PDZD2: variants seen among roughly 807,000 people sequenced by gnomAD.
PDZD2 encodes PDZ domain-containing protein 2.
A neutral mutation model predicts 220.7 loss-of-function variants in PDZD2; 90 were observed. That is an observed-to-expected ratio of 0.41 (90% CI 0.34 to 0.49). PDZD2 has a LOEUF of 0.49. Ranked by LOEUF, PDZD2 falls within the 20% of genes least tolerant of loss-of-function variation. The pLI, the probability that PDZD2 is intolerant of heterozygous loss-of-function variation, is 0.28. For missense variants in PDZD2, 3,174 were observed against 3,608.5 expected, an observed-to-expected ratio of 0.88 and a Z score of 3.08; for synonymous variants, 1,375 against 1,450.5, an observed-to-expected ratio of 0.95 and a Z score of 1.18.
At chr5:31,686,140 C>T (rs1746848862) in intron 1 of PDZD2, among the ~76,000 whole-genome samples, 3 of 151,768 alleles carry the variant, frequency 2.0e-5, no homozygotes, top group Admixed American at 2.0e-4. Flanking sequence ...AGGAGAATCA[C>T]TTGAACCTGG....
At chr5:31,684,715 TTC>T (rs1746782981) in intron 1 of PDZD2, among the ~76,000 whole-genome samples, 1 of 152,200 alleles carries the variant, frequency 6.6e-6, no homozygotes, top group Non-Finnish European at 1.5e-5. Context: ...TCCTTGCCTC[TTC>T]TCTGTTACCC....
At chr5:32,008,284 C>CTTTT (rs58124921) in intron 5 of PDZD2, among the ~76,000 whole-genome samples, 1 of 129,152 alleles carries the variant, frequency 7.7e-6, no homozygotes, top group African/African-American at 2.9e-5. Flanking sequence ...TCTTTTGTTT[C>CTTTT]TTTTTTTTTT....
intron 2 of PDZD2, among the ~76,000 whole-genome samples, chr5:31,960,703 GCCAGTCC>G (rs1748141922): frequency 6.6e-6 from 1 of 151,978 alleles, no homozygotes; most frequent in African/African-American, 2.4e-5. Context: ...CCCAAAGCAA[GCCAGTCC>G]CCCTTTTATA....
In PDZD2 at chr5:31,850,243, T is replaced by TATATATATATATATATATAC. The variant is rs577432352; in HGVS notation, c.476+50520_476+50521insTATATATATATATATATACA. Among the ~76,000 whole-genome samples the TATATATATATATATATATAC allele has an allele frequency of 5.2e-4, 64 of 122,218 alleles. 1 individual carries two copies. Among genetic ancestry groups the TATATATATATATATATATAC allele is most frequent in the African/African-American group, 1.8e-3 (60 of 33,198 alleles). 80.2% of individuals were successfully genotyped at this position (122,218 alleles called of 152,430 possible). A position where few individuals can be genotyped will look rare whatever the true frequency, so the allele number is the denominator to read the frequency against. On this transcript the variant is annotated intron_variant, in intron 2 of 24. Transcript: ENST00000438447. Reference sequence around the variant, plus strand: ...ATATATAAGTATATATATATATATATACACACACACACACACACATATATA... The same window carrying TATATATATATATATATATAC: ...ATATATAAGTATATATATATATATATATATATATATATATATATACACACACACACACACACACATATATA...
intron 2 of PDZD2, among the ~76,000 whole-genome samples, chr5:31,929,218 C>T (rs1373271072): frequency 6.6e-6 from 1 of 152,178 alleles, no homozygotes; most frequent in Non-Finnish European, 1.5e-5. Context: ...GTCCAACCTG[C>T]TTCTCTGATT....
chr5:31,904,301 C>T (rs1742421847), intron 2 of PDZD2, among the ~76,000 whole-genome samples: 1 of 152,104 alleles, frequency 6.6e-6, no homozygotes, highest in Non-Finnish European at 1.5e-5. Flanking sequence ...AGTCAACAGT[C>T]ATTCAATAAA....
At position 32,093,267 on chromosome 5, in the gene PDZD2, C is replaced by G. The variant is rs1428542572; in HGVS notation, c.7845+243C>G. The stretch of plus-strand genomic sequence containing the variant: ...TGGGTGTCACTGCTGTTTTCATCCC[C>G]CAAGTAGCAACTAGTTACCATTCTC... On this transcript the variant is annotated intron_variant, in intron 21 of 24. Transcript: ENST00000438447. 3.3e-5 allele frequency among the ~76,000 whole-genome samples: 5 copies of G among 152,170 alleles called. No homozygotes were observed. In the East Asian group the frequency reaches 7.7e-4, roughly 23 times the overall value.
chr5:32,047,063 T>C (rs1253498530), intron 7 of PDZD2, among the ~76,000 whole-genome samples: 3 of 151,270 alleles, frequency 2.0e-5, no homozygotes, highest in African/African-American at 2.4e-5. Context: ...AAAACACCAA[T>C]AAATAAATAA....
At chr5:31,848,593 A>G (rs1757729894) in intron 2 of PDZD2, among the ~76,000 whole-genome samples, 1 of 148,836 alleles carries the variant, frequency 6.7e-6, no homozygotes, top group East Asian at 2.1e-4. Flanking sequence ...TACTAAAAAT[A>G]CAAAAACCAG....
At chr5:32,010,897 G>C (rs1033354115) in intron 6 of PDZD2, among the ~76,000 whole-genome samples, 4 of 151,186 alleles carry the variant, frequency 2.6e-5, no homozygotes, top group Non-Finnish European at 1.5e-5. Flanking sequence ...TCAGGAGGCT[G>C]AGGCAAGAGA....
intron 1 of PDZD2, among the ~76,000 whole-genome samples, chr5:31,778,480 G>A (rs1386829602): frequency 6.6e-6 from 1 of 152,026 alleles, no homozygotes; most frequent in Non-Finnish European, 1.5e-5. Context: ...GAACCCACTG[G>A]GAGGAATGAA....
At chr5:31,940,850 A>T (rs1746151034) in intron 2 of PDZD2, among the ~76,000 whole-genome samples, 1 of 152,224 alleles carries the variant, frequency 6.6e-6, no homozygotes, top group South Asian at 2.1e-4. Flanking sequence ...CTCCCAGTGA[A>T]GGGCAGATAA....
intron 2 of PDZD2, among the ~76,000 whole-genome samples, chr5:31,886,118 GTA>G (rs920876668): frequency 2.0e-5 from 3 of 152,094 alleles, no homozygotes; most frequent in Admixed American, 1.3e-4. Flanking sequence ...AGGCTGGTCT[GTA>G]ACTCCTGACC....
chr5:31,675,087 G>T (rs1746355490), intron 1 of PDZD2, among the ~76,000 whole-genome samples: 1 of 152,200 alleles, frequency 6.6e-6, no homozygotes, highest in Non-Finnish European at 1.5e-5. Flanking sequence ...AAAATATTTG[G>T]CTGGGGGACC....
chr5:31,735,139 G>A (rs546146461), intron 1 of PDZD2, among the ~76,000 whole-genome samples: 4 of 152,304 alleles, frequency 2.6e-5, no homozygotes, highest in African/African-American at 7.2e-5. Context: ...GCCGTGGAGC[G>A]TGGATATGAT....
intron 3 of PDZD2, among the ~76,000 whole-genome samples, chr5:31,990,307 G>A (rs1360230266): frequency 6.6e-6 from 1 of 152,196 alleles, no homozygotes; most frequent in Non-Finnish European, 1.5e-5. Flanking sequence ...TGGCTTCAGT[G>A]AAGGGATACA....
rs35511570 is a variant in PDZD2 at position 31,906,842 on chromosome 5, CAAAAAA to C, written c.477-76310_477-76305del. On this transcript the variant is annotated intron_variant, in intron 2 of 24. Coordinates refer to ENST00000438447, the MANE Select transcript of PDZD2 (RefSeq NM_178140.4). ...TGGGCAACAGAGCAAGACTCTGTCT[CAAAAAA>C]AAGAAAAAACAAAAGAGACTACTTA... 2.0e-5 allele frequency among the ~76,000 whole-genome samples: 3 copies of C among 150,900 alleles called. No homozygotes were observed. In the East Asian group the frequency reaches 5.8e-4, roughly 29 times the overall value.
chr5:31,842,327 AT>A (rs1470199481), intron 2 of PDZD2, among the ~76,000 whole-genome samples: 2 of 152,300 alleles, frequency 1.3e-5, no homozygotes, highest in African/African-American at 2.4e-5. Flanking sequence ...CTGCGAGGTA[AT>A]TGTCATTATC....
chr5:32,040,089 C>A (rs1755931095), intron 7 of PDZD2, among the ~76,000 whole-genome samples: 2 of 148,044 alleles, frequency 1.4e-5, no homozygotes, highest in African/African-American at 5.0e-5. Flanking sequence ...AGCGCTTCTG[C>A]CCTGCCACCC....
Sources: allele counts gnomAD v4.1 joint callset (sites outside exome capture counted in the v4.1 genomes callset), GRCh38; gene constraint gnomAD v4.1.1; transcripts MANE v1.5; gene names NCBI Gene and HGNC (gene_info 2026-07-23, HGNC 2026-07-21).